IL17B: variants seen among roughly 807,000 people sequenced by gnomAD.
IL17B encodes interleukin 17B.
In IL17B, 14 loss-of-function variants were observed where a neutral mutation model predicts 14.7. That is an observed-to-expected ratio of 0.95 (90% CI 0.63 to 1.49). IL17B has a LOEUF of 1.49. IL17B is among the 40% of genes most tolerant of loss of function. The probability of loss-of-function intolerance (pLI) is 0.00; values close to 1 mark genes in which losing one functional copy is unlikely to be tolerated. For synonymous variants in IL17B, 105 were observed against 94.8 expected, an observed-to-expected ratio of 1.11 and a Z score of -0.62; for missense variants, 233 against 252.8, an observed-to-expected ratio of 0.92 and a Z score of 0.53.
chr5:149,400,665 A>G (rs2127623343), intron 1 of IL17B, among the ~76,000 whole-genome samples: 1 of 152,360 alleles, frequency 6.6e-6, no homozygotes, highest in Middle Eastern at 3.4e-3. Flanking sequence ...GAGACACAGA[A>G]GAGGAGAGTT....
At chr5:149,381,995 GC>G (rs903176049), upstream of IL17B, among the ~76,000 whole-genome samples, 1 of 152,248 alleles carries the variant, frequency 6.6e-6, no homozygotes, top group African/African-American at 2.4e-5. Context: ...GCAGTGGGTG[GC>G]CGCGGTCTCG....
chr5:149,396,379 T>C lies in IL17B; in HGVS notation n.95+7729A>G, dbSNP rs1759092011. Among the ~76,000 whole-genome samples the C allele has an allele frequency of 1.3e-5, 2 of 152,236 alleles. 1 individual carries two copies. The highest frequency in any genetic ancestry group is 4.1e-4 in the South Asian group (2 of 4,834). On this transcript the variant is annotated intron_variant and non_coding_transcript_variant, in intron 1 of 2. Transcript: ENST00000505432. ...CAGGACATTTTGAAAGTGCCATTCA[T>C]TGGCCAAAGTGAAGCATGTGCTAGG...
At position 149,394,758 on chromosome 5, in the gene IL17B, T is replaced by C. The variant is rs147200673; in HGVS notation, n.95+9350A>G. ...TTTTTTCTTTCTTTTAGCGTATGGC[T>C]CTGCTTGGAGAATACATCACACTCA... On this transcript the variant is annotated intron_variant and non_coding_transcript_variant, in intron 1 of 2. Coordinates refer to the IL17B transcript ENST00000505432. Among the ~76,000 whole-genome samples, 185 of 152,304 alleles carry C rather than the reference T, an allele frequency of 1.2e-3. 2 individuals are homozygous for C. Among genetic ancestry groups the C allele is most frequent in the African/African-American group, 4.1e-3 (170 of 41,562 alleles).
chr5:149,397,756 A>C (rs1759120562), intron 1 of IL17B, among the ~76,000 whole-genome samples: 1 of 152,070 alleles, frequency 6.6e-6, no homozygotes. Context: ...CAAGCTGGAG[A>C]CCCTGGGAGG....
chr5:149,379,491 C>T (rs376015593), upstream of IL17B, among the ~76,000 whole-genome samples: 2 of 152,342 alleles, frequency 1.3e-5, no homozygotes, highest in South Asian at 2.1e-4. Flanking sequence ...GGACAATGCC[C>T]TGTGTGTCTG....
upstream of IL17B, among the ~76,000 whole-genome samples, chr5:149,381,529 A>G (rs1325633558): frequency 1.3e-5 from 2 of 152,212 alleles, no homozygotes; most frequent in African/African-American, 4.8e-5. Context: ...GACTTTATAC[A>G]AACAGCTCTG....
intron 1 of IL17B, among the ~76,000 whole-genome samples, chr5:149,387,053 C>G (rs1438281315): frequency 6.7e-6 from 1 of 150,234 alleles, no homozygotes; most frequent in Non-Finnish European, 1.5e-5. Flanking sequence ...CTAACAGTAT[C>G]GATATTTTAG....
upstream of IL17B, among the ~76,000 whole-genome samples, chr5:149,381,763 C>T (rs2127618673): frequency 6.6e-6 from 1 of 152,322 alleles, no homozygotes; most frequent in South Asian, 2.1e-4. Context: ...TCTAGAAACC[C>T]CTGGAGGGTC....
At chr5:149,377,546 GTAAA>G (rs1163929502) in intron 1 of IL17B, among the ~76,000 whole-genome samples, 10 of 152,232 alleles carry the variant, frequency 6.6e-5, no homozygotes, top group African/African-American at 1.9e-4. Context: ...CACTCACTGA[GTAAA>G]TGAATGGCTG....
rs1386970047 is a variant in IL17B at position 149,379,217 on chromosome 5, C to T, written c.9G>A (p.Trp3Ter). The T allele has an allele frequency of 6.2e-7, 1 of 1,613,858 alleles. No homozygotes were observed. Among genetic ancestry groups the T allele is most frequent in the African/African-American group, 1.3e-5 (1 of 74,916 alleles). ...AAGCGCCACGTACCAGGTTGTGAGGCCAGTCCATTCCGCCAAGCTGCAAGG... is the reference window on the plus strand; with the variant it reads ...AAGCGCCACGTACCAGGTTGTGAGGTCAGTCCATTCCGCCAAGCTGCAAGG... MD[W>*]PHNLLFLLTI... Residue 3 changes from tryptophan (W) to a stop codon, truncating the protein, a stop_gained, in exon 1 of 3, where the codon TGG (tryptophan) becomes TGA (stop). Transcript: ENST00000261796. LOFTEE classifies it high-confidence loss of function.
chr5:149,400,758 G>A (rs1273483191), intron 1 of IL17B, among the ~76,000 whole-genome samples: 2 of 152,240 alleles, frequency 1.3e-5, no homozygotes, highest in African/African-American at 4.8e-5. Flanking sequence ...CAGGAAAGCT[G>A]CTGGTATGAC....
rs752296509 is a variant in IL17B, at chr5:149,376,788, T to C, written c.259A>G (p.Asn87Asp). The C allele has an allele frequency of 9.3e-6, 15 of 1,613,710 alleles. No homozygotes were observed. Among genetic ancestry groups the C allele is most frequent in the Non-Finnish European group, 1.3e-5 (15 of 1,179,898 alleles). The change falls in exon 2 of 3, where the codon AAC becomes GAC. Residue 87 changes from asparagine (N) to aspartate (D), a missense_variant. Coordinates refer to ENST00000261796, the MANE Select transcript of IL17B (RefSeq NM_014443.3). Reference sequence around the variant, plus strand: ...TTGTTGGACATCCACAGCTGCAAGTTGACCTCACACTTTCTCTGGGCCAGC... The same window carrying C: ...TTGTTGGACATCCACAGCTGCAAGTCGACCTCACACTTTCTCTGGGCCAGC... ...SELAQRKCEV[N>D]LQLWMSNKRS...
intron 1 of IL17B, among the ~76,000 whole-genome samples, chr5:149,393,041 G>A (rs577573383): frequency 1.1e-3 from 161 of 151,928 alleles, no homozygotes; most frequent in Middle Eastern, 3.4e-3. Flanking sequence ...GTGTGTGTGC[G>A]TGTGTGTGCG....
At chr5:149,393,990 G>GA (rs550107669) in intron 1 of IL17B, among the ~76,000 whole-genome samples, 1 of 152,068 alleles carries the variant, frequency 6.6e-6, no homozygotes, top group South Asian at 2.1e-4. Context: ...ATAGAATTCT[G>GA]AAAAAATCAT....
At chr5:149,402,259 A>G (rs767004130) in intron 1 of IL17B, among the ~76,000 whole-genome samples, 1 of 152,116 alleles carries the variant, frequency 6.6e-6, no homozygotes, top group Admixed American at 6.6e-5. Context: ...ACTACTCCCA[A>G]AGCAGCCACG....
At chr5:149,382,275 C>T (rs1758718239), upstream of IL17B, among the ~76,000 whole-genome samples, 1 of 152,110 alleles carries the variant, frequency 6.6e-6, no homozygotes, top group African/African-American at 2.4e-5. Context: ...AGGAATGACA[C>T]AGGCGGTGTC....
intron 1 of IL17B, among the ~76,000 whole-genome samples, chr5:149,390,221 C>G (rs1326422760): frequency 5.4e-5 from 8 of 147,780 alleles, no homozygotes; most frequent in African/African-American, 2.0e-4. Flanking sequence ...TTAGTGACCC[C>G]CCCCCTCCCT....
chr5:149,393,311 T>A (rs1759024201), intron 1 of IL17B, among the ~76,000 whole-genome samples: 1 of 152,086 alleles, frequency 6.6e-6, no homozygotes, highest in Non-Finnish European at 1.5e-5. Flanking sequence ...GATCCCTCAG[T>A]AGGAAATGAG....
At chr5:149,382,470 A>T (rs1472046492), upstream of IL17B, among the ~76,000 whole-genome samples, 3 of 152,200 alleles carry the variant, frequency 2.0e-5, no homozygotes, top group Non-Finnish European at 2.9e-5. Context: ...CTTAATATCC[A>T]CTTACTGACT....
Sources: gnomAD v4.1 joint callset for allele counts (sites outside exome capture counted in the v4.1 genomes callset) on GRCh38, gnomAD v4.1.1 for gene constraint, MANE v1.5 for transcripts, NCBI Gene and HGNC (gene_info 2026-07-23, HGNC 2026-07-21) for gene names.